POLK: variants seen among roughly 807,000 people sequenced by gnomAD.
The protein encoded by POLK is DNA polymerase kappa, also known as polymerase (DNA directed) kappa.
Under a neutral mutation model 94.0 loss-of-function variants are expected in POLK, and 76 were observed. The observed-to-expected ratio is 0.81, with a 90% CI of 0.67 to 0.98. The LOEUF (loss-of-function observed/expected upper bound fraction) is 0.98. Ranked by LOEUF, POLK falls within the 50% of genes least tolerant of loss-of-function variation. The pLI, the probability that POLK is intolerant of heterozygous loss-of-function variation, is 0.00. For missense variants in POLK, 954 were observed against 1,010.1 expected (o/e 0.94, Z 0.75); for synonymous variants, 349 against 325.4 (o/e 1.07, Z -0.78).
chr5:75,599,135 C>G (rs1561420105), exon 15 of POLK: 1 of 151,932 alleles, frequency 6.6e-6, no homozygotes, highest in Non-Finnish European at 1.5e-5. Flanking sequence ...GCCTGTAATC[C>G]CAGCTACTCA....
At chr5:75,541,493 G>A (rs866923169) in intron 1 of POLK, among the ~76,000 whole-genome samples, 10 of 152,200 alleles carry the variant, frequency 6.6e-5, no homozygotes, top group Non-Finnish European at 1.2e-4. Flanking sequence ...ATTTCCCTCT[G>A]TCCCATTCTT....
intron 3 of POLK, among the ~76,000 whole-genome samples, chr5:75,560,251 G>A (rs1298766125): frequency 6.6e-6 from 1 of 152,120 alleles, no homozygotes; most frequent in African/African-American, 2.4e-5. Flanking sequence ...GAAGCACTTA[G>A]CATATTATAT....
At chr5:75,534,265 T>TAAAAAAA (rs540377049) in intron 1 of POLK, among the ~76,000 whole-genome samples, 1 of 124,888 alleles carries the variant, frequency 8.0e-6, no homozygotes. Context: ...GACCCTGTCT[T>TAAAAAAA]AAAAAAAAAA....
At chr5:75,567,970 C>A (rs771969851) in intron 3 of POLK, among the ~76,000 whole-genome samples, 1 of 152,036 alleles carries the variant, frequency 6.6e-6, no homozygotes. Flanking sequence ...TTTTAACCTG[C>A]GACTAGTGGG....
exon 15 of POLK, chr5:75,599,861 A>G (rs1026327407): frequency 7.2e-5 from 11 of 152,060 alleles, no homozygotes; most frequent in African/African-American, 2.7e-4. Context: ...CCTCCCTCTT[A>G]TGCCTTCACT....
chr5:75,596,358 T>C, exon 13 of POLK: 1 of 1,613,734 alleles, frequency 6.2e-7, no homozygotes. Context: ...AAGATAAGTT[T>C]GTAAAACCTC....
At position 75,572,570 on chromosome 5, in the gene POLK, T is replaced by C. The variant is rs912331459; in HGVS notation, c.409-1168T>C. 2.6e-5 allele frequency among the ~76,000 whole-genome samples: 4 copies of C among 152,314 alleles called. No individual in the cohort carries two copies. In the South Asian group the frequency reaches 8.3e-4, roughly 32 times the overall value. ...TACTTTCATGTAACATAACTCACTA[T>C]CATCCAAATTTTGATATTCATTCTA... On this transcript the variant is annotated intron_variant, in intron 4 of 14. Coordinates refer to ENST00000241436, the Ensembl canonical transcript of POLK.
chr5:75,600,968 C>T (rs1444962351), exon 15 of POLK: 3 of 152,146 alleles, frequency 2.0e-5, no homozygotes, highest in African/African-American at 7.2e-5. Flanking sequence ...TGGAGAAGTA[C>T]AGCAGTGTGA....
chr5:75,551,369 C>A (rs1167692008), intron 2 of POLK, among the ~76,000 whole-genome samples: 2 of 151,708 alleles, frequency 1.3e-5, no homozygotes, highest in African/African-American at 2.4e-5. Flanking sequence ...GAGTTTGAGA[C>A]CAGCCTGGGC....
At chr5:75,582,480 A>C (rs1291471631) in intron 7 of POLK, 1 of 152,228 alleles carries the variant, frequency 6.6e-6, no homozygotes, top group East Asian at 1.9e-4. Context: ...TGTTTTGTGA[A>C]TAACATAAAA....
chr5:75,532,407 G>A (rs1382391359), intron 1 of POLK, among the ~76,000 whole-genome samples: 1 of 151,184 alleles, frequency 6.6e-6, no homozygotes, highest in Non-Finnish European at 1.5e-5. Context: ...CAAAGGAGAT[G>A]ATCTCATCCT....
chr5:75,579,369 T>A (rs932456958), intron 6 of POLK, among the ~76,000 whole-genome samples: 5 of 151,786 alleles, frequency 3.3e-5, no homozygotes, highest in African/African-American at 4.8e-5. Context: ...ATTTTTTTTT[T>A]ATTTTTTTTT....
downstream of POLK, among the ~76,000 whole-genome samples, chr5:75,604,301 G>A (rs1773366763): frequency 6.6e-6 from 1 of 151,912 alleles, no homozygotes; most frequent in Non-Finnish European, 1.5e-5. Context: ...CTTAAAATAT[G>A]ACTATTAACC....
chr5:75,532,196 G>A (rs1489626234), intron 1 of POLK, among the ~76,000 whole-genome samples: 2 of 152,168 alleles, frequency 1.3e-5, no homozygotes, highest in Admixed American at 6.5e-5. Flanking sequence ...CAGGTAATAA[G>A]CATAGTACCT....
At chr5:75,537,283 G>A (rs1441526939) in intron 1 of POLK, among the ~76,000 whole-genome samples, 6 of 152,164 alleles carry the variant, frequency 3.9e-5, no homozygotes, top group African/African-American at 1.4e-4. Flanking sequence ...TGGGGGTGGG[G>A]GGCACAGGGT....
At chr5:75,593,805 C>T (rs946324997) in intron 11 of POLK, 73 bp from the exon 12 acceptor site, 24 of 847,300 alleles carry the variant, frequency 2.8e-5, no homozygotes, top group South Asian at 1.3e-4. Flanking sequence ...GCTGTGCCAG[C>T]GCACTCCAGC....
chr5:75,511,491 C>T, upstream of POLK: 1 of 1,498,690 alleles, frequency 6.7e-7, no homozygotes, highest in Non-Finnish European at 8.9e-7. Context: ...GGCGCTGCCA[C>T]CCGAACTTAG....
intron 1 of POLK, among the ~76,000 whole-genome samples, chr5:75,515,941 A>G (rs1238484219): frequency 6.6e-6 from 1 of 152,188 alleles, no homozygotes; most frequent in Non-Finnish European, 1.5e-5. Context: ...GGGTAAGATG[A>G]TAGCTCATTG....
At chr5:75,532,835 A>T (rs1769248410) in intron 1 of POLK, among the ~76,000 whole-genome samples, 1 of 152,202 alleles carries the variant, frequency 6.6e-6, no homozygotes, top group Non-Finnish European at 1.5e-5. Context: ...TCTAATGATA[A>T]GTAATGTTGA....
Sources: gnomAD v4.1 joint callset for allele counts (sites outside exome capture counted in the v4.1 genomes callset) on GRCh38, gnomAD v4.1.1 for gene constraint, MANE v1.5 for transcripts, NCBI Gene and HGNC (gene_info 2026-07-23, HGNC 2026-07-21) for gene names.